The following KIAA1549L variants were observed in gnomAD, a reference collection of about 807,000 sequenced individuals.
The protein encoded by KIAA1549L is UPF0606 protein KIAA1549L.
In KIAA1549L, 88 loss-of-function variants were observed where a neutral mutation model predicts 160.7. The observed-to-expected ratio is 0.55, with a 90% CI of 0.46 to 0.65. The LOEUF is 0.65. Ranked by LOEUF, KIAA1549L falls within the 30% of genes least tolerant of loss-of-function variation. The pLI, the probability that KIAA1549L is intolerant of heterozygous loss-of-function variation, is 0.00. For synonymous variants in KIAA1549L, 950 were observed against 976.7 expected, an observed-to-expected ratio of 0.97 and a Z score of 0.51; for missense variants, 2,258 against 2,437.5, an observed-to-expected ratio of 0.93 and a Z score of 1.55.
intron 1 of KIAA1549L, among the ~76,000 whole-genome samples, chr11:33,418,901 G>A (rs1214789549): frequency 1.3e-5 from 1 of 75,722 alleles, no homozygotes; most frequent in Non-Finnish European, 3.1e-5. Flanking sequence ...TTTTTTTTTG[G>A]GTGGGGTGGG....
chr11:33,420,235 G>GTTTGTTTTTTTTTTTTTTT (rs1554975227), intron 1 of KIAA1549L, among the ~76,000 whole-genome samples: 1 of 46,266 alleles, frequency 2.2e-5, no homozygotes, highest in African/African-American at 5.7e-5. Context: ...TTTTTTTTTT[G>GTTTGTTTTTTTTTTTTTTT]TTTTTTTTTT....
chr11:33,475,117 T>C (rs1852256341), intron 1 of KIAA1549L, among the ~76,000 whole-genome samples: 1 of 152,160 alleles, frequency 6.6e-6, no homozygotes, highest in Non-Finnish European at 1.5e-5. Flanking sequence ...TGCAATGACT[T>C]TCTGAGCAGA....
chr11:33,410,043 G>A lies in KIAA1549L; in HGVS notation c.238+33154G>A, dbSNP rs541879602. On this transcript the variant is annotated intron_variant, in intron 1 of 20. Coordinates refer to ENST00000658780, the MANE Select transcript of KIAA1549L (RefSeq NM_012194.3). ...TTTCTTTTATTTTTCTTTGTTCATGGCTGTCTGCTGTATTTTTTTTTCTTT... is the reference window on the plus strand; with the variant it reads ...TTTCTTTTATTTTTCTTTGTTCATGACTGTCTGCTGTATTTTTTTTTCTTT... Among the ~76,000 whole-genome samples, 4 of 152,046 alleles carry A rather than the reference G, an allele frequency of 2.6e-5. No homozygotes were observed. In the South Asian group the frequency reaches 8.3e-4, roughly 32 times the overall value.
intron 1 of KIAA1549L, among the ~76,000 whole-genome samples, chr11:33,506,460 T>TCA (rs1188194821): frequency 1.3e-5 from 2 of 152,170 alleles, no homozygotes. Flanking sequence ...GTGCGGTGGC[T>TCA]CACACCTGTA....
intron 1 of KIAA1549L, among the ~76,000 whole-genome samples, chr11:33,406,633 A>G (rs1850659147): frequency 2.0e-5 from 3 of 152,216 alleles, no homozygotes; most frequent in Non-Finnish European, 2.9e-5. Flanking sequence ...GGCAGGTCTG[A>G]CATTTGCTCT....
intron 1 of KIAA1549L, among the ~76,000 whole-genome samples, chr11:33,394,524 T>C (rs7929907): frequency 0.47 from 71,408 of 151,988 alleles, 19,223 homozygotes; most frequent in Non-Finnish European, 0.59. Context: ...TCCCTTGAAA[T>C]AGTCAGAAGT....
Position 33,653,728 on chromosome 11 carries a change from C to T in KIAA1549L, c.5761-2284C>T, listed in dbSNP as rs141445779. Among the ~76,000 whole-genome samples, 11 of 152,264 alleles carry T rather than the reference C, an allele frequency of 7.2e-5. No homozygotes were observed. In the East Asian group the frequency reaches 2.1e-3, roughly 29 times the overall value. ...TTCGGTTAGCTGCATGTTAGACCTG[C>T]TCATTCCATCCTCTGTGTCTTGTAT... On this transcript the variant is annotated intron_variant, in intron 17 of 20. Transcript: ENST00000658780.
intron 9 of KIAA1549L, among the ~76,000 whole-genome samples, chr11:33,571,319 A>G (rs2133240348): frequency 6.6e-6 from 1 of 151,868 alleles, no homozygotes; most frequent in East Asian, 1.9e-4. Flanking sequence ...AAAGAAAAGA[A>G]ATTCATCTTG....
In KIAA1549L at chr11:33,609,877, G is replaced by A. The variant is rs2076622; in HGVS notation, c.5190G>A (p.Lys1730=). The stretch of plus-strand genomic sequence containing the variant: ...CGAGCAAGGGTCTGACCGAAAGAAA[G>A]AAGATGTATGAAAAAGCCCCGAAGG... ...VETSKGLTER[K]KMYEKAPKEM... Residue 1730 remains lysine, a synonymous_variant, in exon 15 of 21, where the codon AAG becomes AAA. Transcript: ENST00000658780. 0.4 allele frequency: 650,647 copies of A among 1,613,240 alleles called. 132,922 individuals carry two copies. Among genetic ancestry groups the A allele is most frequent in the African/African-American group, 0.55 (40,993 of 74,872 alleles).
At chr11:33,641,223 G>A (rs767588119) in intron 16 of KIAA1549L, among the ~76,000 whole-genome samples, 3 of 152,116 alleles carry the variant, frequency 2.0e-5, no homozygotes, top group Non-Finnish European at 4.4e-5. Flanking sequence ...ATATTTGTTC[G>A]CTAAACAGAC....
At chr11:33,435,790 A>ATATATATATATATGTGTGTGTGTGTGTG (rs1851349664) in intron 1 of KIAA1549L, among the ~76,000 whole-genome samples, 1 of 26,088 alleles carries the variant, frequency 3.8e-5, no homozygotes, top group Non-Finnish European at 7.4e-5. Context: ...ATATATATAT[A>ATATATATATATATGTGTGTGTGTGTGTG]TATATATATA....
intron 15 of KIAA1549L, among the ~76,000 whole-genome samples, chr11:33,614,557 T>TATAC (rs1850743015): frequency 6.5e-5 from 1 of 15,316 alleles, no homozygotes; most frequent in Non-Finnish European, 1.3e-4. Context: ...TATATATATA[T>TATAC]ATATATATAT....
chr11:33,606,345 T>C (rs1850500348), intron 13 of KIAA1549L, among the ~76,000 whole-genome samples: 1 of 152,192 alleles, frequency 6.6e-6, no homozygotes, highest in South Asian at 2.1e-4. Flanking sequence ...TACTTTTTAA[T>C]TTTTTTCAAC....
intron 1 of KIAA1549L, among the ~76,000 whole-genome samples, chr11:33,429,028 A>G (rs765691467): frequency 6.6e-6 from 1 of 152,038 alleles, no homozygotes; most frequent in Non-Finnish European, 1.5e-5. Context: ...CTGGAGTGCA[A>G]TGGTGCAATC....
intron 1 of KIAA1549L, among the ~76,000 whole-genome samples, chr11:33,529,472 A>G (rs1853689304): frequency 6.6e-6 from 1 of 152,250 alleles, no homozygotes; most frequent in South Asian, 2.1e-4. Context: ...TTATGTTCCA[A>G]ATACTCTTAA....
chr11:33,624,979 A>T (rs1451017860), intron 16 of KIAA1549L, among the ~76,000 whole-genome samples: 1 of 143,648 alleles, frequency 7.0e-6, no homozygotes, highest in Non-Finnish European at 1.5e-5. Flanking sequence ...TCATTGTTCA[A>T]TTCCCACCTA....
chr11:33,386,136 T>C (rs965688255), intron 1 of KIAA1549L, among the ~76,000 whole-genome samples: 3 of 152,072 alleles, frequency 2.0e-5, no homozygotes, highest in Admixed American at 6.6e-5. Flanking sequence ...ATAGGGAGAG[T>C]GGACATCCTT....
intron 16 of KIAA1549L, among the ~76,000 whole-genome samples, chr11:33,620,539 A>G (rs1458709800): frequency 6.6e-6 from 1 of 152,202 alleles, no homozygotes; most frequent in African/African-American, 2.4e-5. Context: ...GCCCTATTCT[A>G]GTCTTTTCAT....
At chr11:33,646,062 CCAT>C in intron 17 of KIAA1549L, 26 bp downstream of exon 17, 1 of 1,504,186 alleles carries the variant, frequency 6.6e-7, no homozygotes, top group Non-Finnish European at 9.0e-7. Flanking sequence ...CACCCACCTG[CCAT>C]CATCTGGTCA....
Sources: allele counts gnomAD v4.1 joint callset (sites outside exome capture counted in the v4.1 genomes callset), GRCh38; gene constraint gnomAD v4.1.1; transcripts MANE v1.5; gene names NCBI Gene and HGNC (gene_info 2026-07-23, HGNC 2026-07-21).